CDKL5: variants seen among roughly 807,000 people sequenced by gnomAD.
CDKL5 encodes cyclin-dependent kinase-like 5.
CDKL5 carries 8 observed loss-of-function variants against 61.7 expected under a neutral mutation model. The ratio of observed to expected loss-of-function variants is 0.13; its 90% CI spans 0.08 to 0.23. The LOEUF (loss-of-function observed/expected upper bound fraction) is 0.23. Ranked by LOEUF, CDKL5 falls within the 10% of genes least tolerant of loss-of-function variation. The probability of loss-of-function intolerance (pLI) is 1.00; values close to 1 mark genes in which losing one functional copy is unlikely to be tolerated. For synonymous variants in CDKL5, 275 were observed against 272.3 expected (o/e 1.01, Z -0.10); for missense variants, 440 against 734.5 (o/e 0.60, Z 4.63).
intron 1 of CDKL5, among the ~76,000 whole-genome samples, chrX:18,435,428 T>A (rs989421830): frequency 1.8e-5 from 2 of 112,175 alleles, no homozygotes; most frequent in African/African-American, 6.5e-5. Context: ...TATTTATTTC[T>A]CAAATAACCT....
At chrX:18,536,453 TTTTTTTTTTTTG>T (rs1923835981) in intron 3 of CDKL5, among the ~76,000 whole-genome samples, 1 of 77,802 alleles carries the variant, frequency 1.3e-5, no homozygotes, top group African/African-American at 4.9e-5. Context: ...TTTTTTTTTT[TTTTTTTTTTTTG>T]AGACGGAGTC....
chrX:18,577,121 A>G (rs777510845), intron 5 of CDKL5, among the ~76,000 whole-genome samples: 3 of 111,750 alleles, frequency 2.7e-5, no homozygotes, highest in Non-Finnish European at 5.6e-5. Context: ...ACTACCAAAT[A>G]AGAAAATTTT....
At chrX:18,601,927 C>T (rs1926192261) in intron 11 of CDKL5, among the ~76,000 whole-genome samples, 1 of 111,303 alleles carries the variant, frequency 9.0e-6, no homozygotes, top group Admixed American at 9.6e-5. Flanking sequence ...TATTTCTAGG[C>T]CTGAAGGGGA....
intron 5 of CDKL5, 146 bp from the exon 6 acceptor site, chrX:18,579,702 C>A: frequency 1.9e-6 from 1 of 536,309 alleles, no homozygotes. Flanking sequence ...GCTGATTCAG[C>A]ATGAGAAAGT....
At chrX:18,435,087 C>T (rs1178049378) in intron 1 of CDKL5, among the ~76,000 whole-genome samples, 4 of 111,252 alleles carry the variant, frequency 3.6e-5, no homozygotes, top group Admixed American at 1.9e-4. Flanking sequence ...CTTACTGACC[C>T]GGATTTACCT....
At chrX:18,572,277 T>C (rs1401772333) in intron 4 of CDKL5, among the ~76,000 whole-genome samples, 1 of 111,810 alleles carries the variant, frequency 8.9e-6, no homozygotes, top group Non-Finnish European at 1.9e-5. Flanking sequence ...CCACTGTTCC[T>C]TCTACTAAAA....
chrX:18,576,920 A>G (rs1048142062), intron 5 of CDKL5, among the ~76,000 whole-genome samples: 3 of 108,506 alleles, frequency 2.8e-5, no homozygotes, highest in African/African-American at 6.7e-5. Flanking sequence ...GTGTCTCACT[A>G]TGTTGCCTAG....
intron 1 of CDKL5, among the ~76,000 whole-genome samples, chrX:18,503,054 C>T (rs1486744007): frequency 8.9e-6 from 1 of 112,391 alleles, no homozygotes; most frequent in African/African-American, 3.2e-5. Context: ...ATCTTCCTAG[C>T]TGTAAAATTT....
chrX:18,605,556 C>A (rs1014562848), intron 12 of CDKL5, among the ~76,000 whole-genome samples: 1 of 111,456 alleles, frequency 9.0e-6, no homozygotes, highest in African/African-American at 3.3e-5. Context: ...CCACTGCACT[C>A]CAGCCTGGGC....
intron 1 of CDKL5, among the ~76,000 whole-genome samples, chrX:18,439,045 G>GCCCCCCCCCCCCCCCCCC (rs367844172): frequency 5.3e-5 from 2 of 37,485 alleles, no homozygotes; most frequent in African/African-American, 1.1e-4. Context: ...GCCCCTTTTT[G>GCCCCCCCCCCCCCCCCCC]CCCCCCCCCC....
intron 1 of CDKL5, among the ~76,000 whole-genome samples, chrX:18,466,239 C>T (rs1160137017): frequency 1.8e-5 from 2 of 111,677 alleles, no homozygotes; most frequent in Non-Finnish European, 3.8e-5. Context: ...AAACTACACC[C>T]CATTCTCATT....
At chrX:18,531,326 G>A (rs1923635417) in intron 3 of CDKL5, among the ~76,000 whole-genome samples, 1 of 112,206 alleles carries the variant, frequency 8.9e-6, no homozygotes, top group Non-Finnish European at 1.9e-5. Flanking sequence ...TTACCCCTGG[G>A]TGTATTTCAA....
intron 1 of CDKL5, among the ~76,000 whole-genome samples, chrX:18,460,713 C>G (rs1382558388): frequency 9.0e-6 from 1 of 111,086 alleles, no homozygotes; most frequent in Non-Finnish European, 1.9e-5. Flanking sequence ...GTTGCCCAGG[C>G]TAGCCTTGAA....
chrX:18,484,328 T>TA (rs1555936518), intron 1 of CDKL5, among the ~76,000 whole-genome samples: 2 of 108,382 alleles, frequency 1.8e-5, no homozygotes, highest in East Asian at 5.9e-4. Flanking sequence ...TCTTTTTTTT[T>TA]GGGGGGGGGA....
rs61462082 is a variant in CDKL5 at position 18,631,777 on chromosome X, T to C, written c.*3020T>C. 4.0e-6 allele frequency: 3 copies of C among 751,843 alleles called. No homozygotes were observed. The African/African-American group carries it at 6.9e-5, about 17-fold the overall frequency. The allele number at this position is 751,843 out of a possible 1,213,427, so 62.0% of individuals were successfully genotyped here. A position where few individuals can be genotyped will look rare whatever the true frequency, so the allele number is the denominator to read the frequency against. On this transcript the variant is annotated 3_prime_UTR_variant, in exon 18 of 18. Transcript: ENST00000623535. ...CCTCTCTGAAGTTCTAAATACCCTT[T>C]AACTGAACCTTGTTGGTCTTGCTCT...
intron 7 of CDKL5, among the ~76,000 whole-genome samples, chrX:18,583,463 A>T (rs1180168568): frequency 8.9e-6 from 1 of 111,891 alleles, no homozygotes; most frequent in East Asian, 2.8e-4. Context: ...TTACGCTGGG[A>T]TTGTTTTTAT....
At chrX:18,601,798 A>G (rs1394525265) in intron 11 of CDKL5, among the ~76,000 whole-genome samples, 2 of 112,389 alleles carry the variant, frequency 1.8e-5, no homozygotes, top group Non-Finnish European at 3.8e-5. Context: ...CGTCGCTAAC[A>G]GTGTTTCTAA....
chrX:18,527,884 G>C (rs917823227), intron 3 of CDKL5, among the ~76,000 whole-genome samples: 2 of 111,717 alleles, frequency 1.8e-5, no homozygotes, highest in Non-Finnish European at 3.8e-5. Context: ...TATTGCACAA[G>C]TTTTGACTTG....
chrX:18,509,197 GCACACA>G (rs60516677), intron 2 of CDKL5, among the ~76,000 whole-genome samples: 4,333 of 64,222 alleles, frequency 0.067, 149 homozygotes, highest in South Asian at 0.13. Flanking sequence ...CTCAAAACAC[GCACACA>G]CACACACACA....
Sources: gnomAD v4.1 joint callset for allele counts (sites outside exome capture counted in the v4.1 genomes callset) on GRCh38, gnomAD v4.1.1 for gene constraint, MANE v1.5 for transcripts, NCBI Gene and HGNC (gene_info 2026-07-23, HGNC 2026-07-21) for gene names.